KAT6B: variants seen among roughly 807,000 people sequenced by gnomAD.
KAT6B encodes lysine acetyltransferase 6B, also known as histone acetyltransferase KAT6B.
KAT6B carries 10 observed loss-of-function variants against 187.5 expected under a neutral mutation model. The observed-to-expected ratio is 0.05, with a 90% CI of 0.03 to 0.09. The LOEUF is 0.09. KAT6B is among the 10% of genes least tolerant of loss of function. The probability of loss-of-function intolerance (pLI) is 1.00; values close to 1 mark genes in which losing one functional copy is unlikely to be tolerated. For synonymous variants in KAT6B, 861 were observed against 926.8 expected, an observed-to-expected ratio of 0.93 and a Z score of 1.29; for missense variants, 1,952 against 2,558.9, an observed-to-expected ratio of 0.76 and a Z score of 5.12.
At chr10:74,990,196 C>CAAAAAA (rs56300641) in intron 13 of KAT6B, among the ~76,000 whole-genome samples, 13 of 39,416 alleles carry the variant, frequency 3.3e-4, no homozygotes, top group South Asian at 1.5e-3. Flanking sequence ...GACTCTGTCT[C>CAAAAAA]AAAAAAAAAA....
In KAT6B at chr10:75,029,236, C is replaced by G; in HGVS notation, c.4412C>G (p.Pro1471Arg). 1 of 1,614,122 alleles carries G rather than the reference C, an allele frequency of 6.2e-7. No individual in the cohort carries two copies. The highest frequency in any genetic ancestry group is 1.1e-5 in the South Asian group (1 of 91,070). The change falls in exon 18 of 18, where the codon CCA (proline) becomes CGA (arginine). Residue 1471 changes from proline to arginine, a missense_variant. Around this residue, in one of 9 missense-constraint regions of KAT6B, gnomAD observed 758 missense variants for 891.4 expected, o/e 0.85. Coordinates refer to ENST00000287239, the MANE Select transcript of KAT6B (RefSeq NM_012330.4). This position sits in a 1 kb window ranked among gnomAD's most constrained non-coding sequence, Gnocchi z 6.2. ...AATGTGCAGCCTGGTCACTCGAACC[C>G]AGAGGTCTTAATGGACTGTGGCGTC... ...DLNVQPGHSN[P>R]EVLMDCGVDL... is the part of the protein sequence containing the mutation.
At chr10:74,892,895 C>A (rs1845732623) in intron 3 of KAT6B, among the ~76,000 whole-genome samples, 1 of 152,186 alleles carries the variant, frequency 6.6e-6, no homozygotes, top group South Asian at 2.1e-4. Flanking sequence ...GAAAGCCCCC[C>A]ATGTGGCTGG....
At chr10:74,913,063 G>A (rs1759258261) in intron 3 of KAT6B, among the ~76,000 whole-genome samples, 2 of 152,240 alleles carry the variant, frequency 1.3e-5, no homozygotes, top group African/African-American at 4.8e-5. Context: ...TTTAGGACTT[G>A]AAGAGAGAGA....
chr10:74,940,626 A>G (rs1849605479), intron 3 of KAT6B, among the ~76,000 whole-genome samples: 2 of 146,448 alleles, frequency 1.4e-5, no homozygotes, highest in South Asian at 2.2e-4. Context: ...TCTGTCGCCC[A>G]GGCTGGAGTG....
chr10:74,985,100 A>G lies in KAT6B; in HGVS notation c.2394A>G (p.Lys798=), dbSNP rs753476636. 6.2e-7 allele frequency: 1 copy of G among 1,614,102 alleles called. No homozygotes were observed. ...GCTAGGTTGATGGGAATATGAGCAAAATTTATTGCCAAAACCTTTGCTTGT... is the reference window on the plus strand; with the variant it reads ...GCTAGGTTGATGGGAATATGAGCAAGATTTATTGCCAAAACCTTTGCTTGT... ...SVFEVDGNMS[K]IYCQNLCLLA... The change falls in exon 12 of 18, where the codon AAA becomes AAG. Residue 798 remains lysine (K), a synonymous_variant. Transcript: ENST00000287239.
intron 13 of KAT6B, among the ~76,000 whole-genome samples, chr10:74,995,289 C>T (rs1005703449): frequency 6.6e-6 from 1 of 152,136 alleles, no homozygotes; most frequent in African/African-American, 2.4e-5. Flanking sequence ...GTTTTTCTCC[C>T]CCTTCAGTGT....
intron 4 of KAT6B, among the ~76,000 whole-genome samples, chr10:74,963,043 A>G (rs1841213441): frequency 6.6e-6 from 1 of 152,286 alleles, no homozygotes; most frequent in African/African-American, 2.4e-5. Context: ...TGCACCCTCC[A>G]TCCACAGAGC....
chr10:74,859,967 T>A (rs112190581), intron 3 of KAT6B, among the ~76,000 whole-genome samples: 11 of 152,242 alleles, frequency 7.2e-5, no homozygotes, highest in African/African-American at 2.7e-4. Context: ...AAATTGTATG[T>A]ATTTTTCTCG....
At chr10:74,926,318 G>T (rs936198499) in intron 3 of KAT6B, among the ~76,000 whole-genome samples, 2 of 152,262 alleles carry the variant, frequency 1.3e-5, no homozygotes, top group Non-Finnish European at 2.9e-5. Flanking sequence ...GCTGGGTGTG[G>T]TGGCACACGC....
At chr10:74,908,837 G>A (rs1846986728) in intron 3 of KAT6B, among the ~76,000 whole-genome samples, 1 of 151,876 alleles carries the variant, frequency 6.6e-6, no homozygotes, top group African/African-American at 2.4e-5. Flanking sequence ...TATTTTATGT[G>A]TATCTTTCCT....
chr10:74,965,680 A>T (rs987797018), intron 4 of KAT6B, among the ~76,000 whole-genome samples: 1 of 151,956 alleles, frequency 6.6e-6, no homozygotes, highest in Non-Finnish European at 1.5e-5. Flanking sequence ...AAATCGGGGT[A>T]TCAGCAGGGC....
chr10:74,906,347 C>T (rs1433905843), intron 3 of KAT6B, among the ~76,000 whole-genome samples: 1 of 152,138 alleles, frequency 6.6e-6, no homozygotes, highest in African/African-American at 2.4e-5. Context: ...TTGTGGTGAG[C>T]CAAGATCGTG....
rs1018901241 is a variant in KAT6B, at chr10:74,851,998, T to C, written c.621+8520T>C. On this transcript the variant is annotated intron_variant, in intron 3 of 17. Transcript: ENST00000287239. The stretch of plus-strand genomic sequence containing the variant: ...GGGACTTTTCCAATAGCCTGTACTT[T>C]ATGAAGGACTATTCATTAGTCCATA... Among the ~76,000 whole-genome samples the C allele has an allele frequency of 3.3e-5, 5 of 152,226 alleles. 1 individual carries two copies. The highest frequency in any genetic ancestry group is 1.2e-4 in the African/African-American group (5 of 41,460).
rs1299475256 is a variant in KAT6B, at chr10:74,985,180, T to A, written c.2474T>A (p.Leu825His). Residue 825 changes from leucine (L) to histidine (H), a missense_variant, in exon 12 of 18, where the codon CTT (leucine) becomes CAT (histidine). Around this residue, in one of 9 missense-constraint regions of KAT6B, gnomAD observed 87 missense variants for 191.8 expected, o/e 0.45. Transcript: ENST00000287239. ...TTGTATTATGATGTCGAGCCATTCC[T>A]TTTTTATGTCCTTACAAAAAATGAT... is the stretch of plus-strand genomic sequence containing the variant. ...KTLYYDVEPFLFYVLTKNDEK... is the reference protein window; with the variant it reads ...KTLYYDVEPFHFYVLTKNDEK... The A allele has an allele frequency of 6.2e-7, 1 of 1,613,908 alleles. No individual in the cohort carries two copies. The highest frequency in any genetic ancestry group is 8.5e-7 in the Non-Finnish European group (1 of 1,179,890).
intron 11 of KAT6B, chr10:74,982,242 G>A: frequency 2.9e-6 from 1 of 340,510 alleles, no homozygotes; most frequent in South Asian, 2.6e-5. Context: ...TCTTTGGCAG[G>A]AGAAATGAGC....
At chr10:74,876,828 G>A (rs1197422065) in intron 3 of KAT6B, among the ~76,000 whole-genome samples, 2 of 151,812 alleles carry the variant, frequency 1.3e-5, no homozygotes, top group South Asian at 2.1e-4. Flanking sequence ...CAGGAGAATC[G>A]CTTGAACCTG....
intron 6 of KAT6B, 73 bp from the exon 7 acceptor site, chr10:74,972,434 C>A: frequency 8.6e-7 from 1 of 1,167,200 alleles, no homozygotes; most frequent in Non-Finnish European, 1.2e-6. Context: ...CTTATTACAG[C>A]TACAACTTAT....
intron 4 of KAT6B, among the ~76,000 whole-genome samples, chr10:74,967,190 C>T (rs1841536902): frequency 1.3e-5 from 2 of 152,032 alleles, no homozygotes; most frequent in African/African-American, 4.8e-5. Context: ...ATTAGCCAGG[C>T]ATAGTGGCGG....
intron 3 of KAT6B, among the ~76,000 whole-genome samples, chr10:74,921,840 G>A (rs982961815): frequency 5.3e-5 from 8 of 152,228 alleles, no homozygotes; most frequent in Non-Finnish European, 1.2e-4. Context: ...CAGCTCAGTT[G>A]CTTAGAGCAA....
Sources: allele counts gnomAD v4.1 joint callset (sites outside exome capture counted in the v4.1 genomes callset), GRCh38; gene constraint gnomAD v4.1.1; regional missense constraint gnomAD v4.1.1; non-coding constraint Gnocchi (gnomAD v3.1); transcripts MANE v1.5; gene names NCBI Gene and HGNC (gene_info 2026-07-23, HGNC 2026-07-21).